Variants in ASCC3 observed in about 807,000 individuals in gnomAD.
ASCC3 encodes the protein ASC-1 complex subunit P200.
In ASCC3, 158 loss-of-function variants were observed where a neutral mutation model predicts 256.3. The observed-to-expected ratio is 0.62, with a 90% CI of 0.54 to 0.70. ASCC3 has a LOEUF of 0.70. ASCC3 is among the 30% of genes least tolerant of loss of function. The pLI, the probability that ASCC3 is intolerant of heterozygous loss-of-function variation, is 0.00. For missense variants in ASCC3, 2,259 were observed against 2,626.0 expected (o/e 0.86, Z 3.05); for synonymous variants, 948 against 883.4 (o/e 1.07, Z -1.30).
chr6:100,605,421 T>C, intron 33 of ASCC3, 147 bp downstream of exon 33: 1 of 662,286 alleles, frequency 1.5e-6, no homozygotes, highest in Non-Finnish European at 2.6e-6. Context: ...TTGAATATTG[T>C]CATAAAGTGA....
chr6:100,836,955 C>G (rs550459288), intron 4 of ASCC3, among the ~76,000 whole-genome samples: 15 of 152,112 alleles, frequency 9.9e-5, no homozygotes, highest in African/African-American at 3.6e-4. Flanking sequence ...CTTCATGATT[C>G]AATTTTGGTA....
intron 24 of ASCC3, among the ~76,000 whole-genome samples, chr6:100,641,325 G>C (rs1775110637): frequency 6.6e-6 from 1 of 152,144 alleles, no homozygotes; most frequent in Admixed American, 6.5e-5. Context: ...CTAATATAAA[G>C]TGTTCCTATT....
At chr6:100,737,227 A>T (rs6570944) in intron 10 of ASCC3, among the ~76,000 whole-genome samples, 145,739 of 149,672 alleles carry the variant, frequency 0.97, 71,086 homozygotes, top group East Asian at 1. Context: ...TCAGGACTCA[A>T]AGTTTTTTTT....
chr6:100,752,003 C>G (rs1780965698), intron 10 of ASCC3, among the ~76,000 whole-genome samples: 1 of 152,036 alleles, frequency 6.6e-6, no homozygotes, highest in South Asian at 2.1e-4. Flanking sequence ...TTGAGAATTT[C>G]TTTCATTATA....
intron 11 of ASCC3, among the ~76,000 whole-genome samples, chr6:100,724,588 G>A (rs566099550): frequency 7.3e-4 from 111 of 151,872 alleles, no homozygotes; most frequent in Non-Finnish European, 1.2e-3. Context: ...CTAAGGCAAG[G>A]GGAGAAAGGA....
intron 30 of ASCC3, among the ~76,000 whole-genome samples, chr6:100,616,561 C>A (rs1477599034): frequency 6.6e-6 from 1 of 152,146 alleles, no homozygotes; most frequent in Non-Finnish European, 1.5e-5. Context: ...ATCTCCCATA[C>A]CCTTCTAATT....
chr6:100,597,809 G>GGAAAAAAAAAAAAAAAAAAA lies in ASCC3; in HGVS notation c.5303+4000_5303+4001insTTTTTTTTTTTTTTTTTTTC, dbSNP rs1772376939. ...TACACAGTGAAACCCCGTCTCTACT[G>GGAAAAAAAAAAAAAAAAAAA]AAAAAAAAAAAAAAATTAGCCGAGC... On this transcript the variant is annotated intron_variant, in intron 34 of 41. Coordinates refer to ENST00000369162, the MANE Select transcript of ASCC3 (RefSeq NM_006828.4). Among the ~76,000 whole-genome samples the GGAAAAAAAAAAAAAAAAAAA allele has an allele frequency of 4.5e-5, 4 of 88,602 alleles. No individual in the cohort carries two copies. In the East Asian group the frequency reaches 1.2e-3, roughly 26 times the overall value. 58.1% of individuals were successfully genotyped at this position (88,602 alleles called of 152,430 possible). A position where few individuals can be genotyped will look rare whatever the true frequency, so the allele number is the denominator to read the frequency against.
intron 4 of ASCC3, among the ~76,000 whole-genome samples, chr6:100,812,346 AAC>A: frequency 6.6e-6 from 1 of 152,292 alleles, no homozygotes; most frequent in Middle Eastern, 3.4e-3. Flanking sequence ...CTGTGAAGGT[AAC>A]CACATGTCAA....
intron 1 of ASCC3, among the ~76,000 whole-genome samples, chr6:100,870,228 A>AT (rs11455279): frequency 0.69 from 104,680 of 150,688 alleles, 36,427 homozygotes; most frequent in East Asian, 0.75. Context: ...TTTTTAATGC[A>AT]TTTTTTAATG....
chr6:100,670,305 T>C (rs1165320836), intron 14 of ASCC3, among the ~76,000 whole-genome samples: 1 of 151,920 alleles, frequency 6.6e-6, no homozygotes, highest in Non-Finnish European at 1.5e-5. Context: ...CTTCCCATGG[T>C]ATCCATGGGG....
At chr6:100,683,690 T>A (rs1195887402) in intron 13 of ASCC3, among the ~76,000 whole-genome samples, 1 of 152,158 alleles carries the variant, frequency 6.6e-6, no homozygotes, top group Non-Finnish European at 1.5e-5. Context: ...TTGGTGTGTG[T>A]CATTAAAATA....
At chr6:100,646,341 G>A (rs1456061671) in intron 22 of ASCC3, among the ~76,000 whole-genome samples, 5 of 151,762 alleles carry the variant, frequency 3.3e-5, no homozygotes, top group East Asian at 3.9e-4. Context: ...ACAGAGTCTC[G>A]CTCTGTCGCC....
intron 36 of ASCC3, among the ~76,000 whole-genome samples, chr6:100,561,304 G>T (rs906048806): frequency 3.9e-5 from 6 of 151,980 alleles, no homozygotes; most frequent in African/African-American, 1.4e-4. Context: ...ATTCATCAAA[G>T]AAATACATAA....
intron 10 of ASCC3, among the ~76,000 whole-genome samples, chr6:100,734,738 T>C (rs1780067597): frequency 6.6e-6 from 1 of 152,152 alleles, no homozygotes; most frequent in South Asian, 2.1e-4. Context: ...GGGAAACCAC[T>C]AGGTGCCACA....
Position 100,516,236 on chromosome 6 carries a change from CT to C in ASCC3, c.6018del (p.Asp2007ThrfsTer8), listed in dbSNP as rs1267318788. 6.2e-7 allele frequency: 1 copy of C among 1,613,616 alleles called. No individual in the cohort carries two copies. Among genetic ancestry groups the C allele is most frequent in the African/African-American group, 1.3e-5 (1 of 74,862 alleles). ...LPELIHACGG[K>X]DHVFSSMVES... The stretch of plus-strand genomic sequence containing the variant: ...TCTACCATGGAGCTAAATACATGGT[CT>C]TTCCCTCCACAGGCATGGATCAGTT... On this transcript the variant is annotated frameshift_variant, in exon 39 of 42. Transcript: ENST00000369162. LOFTEE classifies it high-confidence loss of function.
At chr6:100,766,440 T>G in intron 10 of ASCC3, 125 bp downstream of exon 10, 2 of 1,062,752 alleles carry the variant, frequency 1.9e-6, no homozygotes. Flanking sequence ...TGGTTACAAA[T>G]AAAAGTTCAC....
At chr6:100,678,919 C>A (rs529517880) in intron 14 of ASCC3, among the ~76,000 whole-genome samples, 1 of 152,168 alleles carries the variant, frequency 6.6e-6, no homozygotes, top group African/African-American at 2.4e-5. Flanking sequence ...TCTGCCCAAT[C>A]TTCATGTAAA....
At chr6:100,669,722 A>T (rs1776647929) in intron 14 of ASCC3, among the ~76,000 whole-genome samples, 1 of 151,906 alleles carries the variant, frequency 6.6e-6, no homozygotes, top group African/African-American at 2.4e-5. Context: ...TTGATAAAAA[A>T]GAAGAAACAA....
chr6:100,565,167 T>C (rs1008333552), intron 36 of ASCC3, among the ~76,000 whole-genome samples: 2 of 152,186 alleles, frequency 1.3e-5, no homozygotes, highest in Non-Finnish European at 2.9e-5. Context: ...CAACTGCATT[T>C]TTCCAGATGA....
Sources: allele counts gnomAD v4.1 joint callset (sites outside exome capture counted in the v4.1 genomes callset), GRCh38; gene constraint gnomAD v4.1.1; transcripts MANE v1.5; gene names NCBI Gene and HGNC (gene_info 2026-07-23, HGNC 2026-07-21).